Variants in PHACTR1 observed in about 807,000 individuals in gnomAD.
PHACTR1 encodes phosphatase and actin regulator 1.
A neutral mutation model predicts 69.2 loss-of-function variants in PHACTR1; 16 were observed. That is an observed-to-expected ratio of 0.23 (90% CI 0.16 to 0.35). The LOEUF is 0.35. Ranked by LOEUF, PHACTR1 falls within the 10% of genes least tolerant of loss-of-function variation. PHACTR1 has a pLI of 1.00. For missense variants in PHACTR1, 510 were observed against 734.7 expected, an observed-to-expected ratio of 0.69 and a Z score of 3.54; for synonymous variants, 312 against 284.5, an observed-to-expected ratio of 1.10 and a Z score of -0.97.
chr6:12,720,904 T>C (rs1180876615), intron 3 of PHACTR1, among the ~76,000 whole-genome samples: 1 of 152,198 alleles, frequency 6.6e-6, no homozygotes, highest in Non-Finnish European at 1.5e-5. Context: ...AGAGGCAGGA[T>C]GACATAGTGG....
At chr6:12,788,374 G>C (rs1398245465) in intron 4 of PHACTR1, among the ~76,000 whole-genome samples, 1 of 152,084 alleles carries the variant, frequency 6.6e-6, no homozygotes, top group Non-Finnish European at 1.5e-5. Context: ...TATTTCTAAG[G>C]ATTTTGAATG....
rs1440313324 is a variant in PHACTR1, at chr6:12,857,073, A to G, written c.250+107283A>G. On this transcript the variant is annotated intron_variant, in intron 4 of 14. Coordinates refer to ENST00000332995, the MANE Select transcript of PHACTR1 (RefSeq NM_030948.6). ...TAAAAAAAGTATGACTCCTGAACAC[A>G]GAACCTGGAAAAAACAATTTCCTCT... Among the ~76,000 whole-genome samples, 10 of 152,344 alleles carry G rather than the reference A, an allele frequency of 6.6e-5. No individual in the cohort carries two copies. In the East Asian group the frequency reaches 1.9e-3, roughly 29 times the overall value.
At chr6:13,231,071 GGAAGGAAGGAAGGAA>G (rs139227059) in intron 10 of PHACTR1, among the ~76,000 whole-genome samples, 3,730 of 13,236 alleles carry the variant, frequency 0.28, 346 homozygotes, top group Middle Eastern at 0.4. Flanking sequence ...AAGGAAGGAA[GGAAGGAAGGAAGGAA>G]GAAGGAAGGA....
chr6:12,977,067 GC>G, intron 4 of PHACTR1, among the ~76,000 whole-genome samples: 1 of 152,262 alleles, frequency 6.6e-6, no homozygotes, highest in Middle Eastern at 3.4e-3. Flanking sequence ...CTGGGTTCAA[GC>G]TATTCTCCTG....
chr6:12,911,815 C>T (rs529963623), intron 4 of PHACTR1, among the ~76,000 whole-genome samples: 1 of 152,260 alleles, frequency 6.6e-6, no homozygotes, highest in East Asian at 1.9e-4. Context: ...ATCTCATTGT[C>T]ATTTAAAGTA....
At chr6:13,252,990 G>A (rs1774695664) in intron 10 of PHACTR1, 1 of 452,968 alleles carries the variant, frequency 2.2e-6, no homozygotes, top group Admixed American at 2.4e-5. Flanking sequence ...AACTTGAGTT[G>A]TTATTGTTTC....
intron 4 of PHACTR1, among the ~76,000 whole-genome samples, chr6:12,776,759 T>C (rs1770112436): frequency 6.6e-6 from 1 of 152,238 alleles, no homozygotes; most frequent in Non-Finnish European, 1.5e-5. Context: ...GTACTAGTTA[T>C]GTAACCAAAT....
At chr6:13,282,050 C>T (rs1449033883) in intron 12 of PHACTR1, among the ~76,000 whole-genome samples, 1 of 152,234 alleles carries the variant, frequency 6.6e-6, no homozygotes, top group Non-Finnish European at 1.5e-5. Flanking sequence ...TTGTGCTCTG[C>T]CAGCGTGGGA....
intron 4 of PHACTR1, among the ~76,000 whole-genome samples, chr6:12,806,516 T>C (rs1278926388): frequency 6.6e-6 from 1 of 152,058 alleles, no homozygotes; most frequent in Non-Finnish European, 1.5e-5. Context: ...GGGGGTCTTG[T>C]TATGTTGCCC....
At chr6:12,871,371 A>G (rs1782008478) in intron 4 of PHACTR1, among the ~76,000 whole-genome samples, 1 of 152,166 alleles carries the variant, frequency 6.6e-6, no homozygotes, top group African/African-American at 2.4e-5. Flanking sequence ...GCTTTTTACA[A>G]TTGGTTTCTC....
At chr6:12,984,171 A>T (rs1329870863) in intron 4 of PHACTR1, among the ~76,000 whole-genome samples, 4 of 152,226 alleles carry the variant, frequency 2.6e-5, no homozygotes, top group Non-Finnish European at 5.9e-5. Context: ...CAACAGTGTA[A>T]AAGTGTTCCG....
At chr6:13,084,898 G>T (rs187886151) in intron 5 of PHACTR1, among the ~76,000 whole-genome samples, 79 of 152,108 alleles carry the variant, frequency 5.2e-4, no homozygotes, top group Non-Finnish European at 2.9e-5. Context: ...AGTGAAGAGG[G>T]AACAGGATAA....
chr6:13,053,289 G>A (rs1385161615), intron 4 of PHACTR1, 76 bp from the exon 5 acceptor site: 7 of 1,379,814 alleles, frequency 5.1e-6, no homozygotes, highest in African/African-American at 2.9e-5. Flanking sequence ...CATGGAAAAC[G>A]TTGGCCATCT....
intron 4 of PHACTR1, among the ~76,000 whole-genome samples, chr6:12,827,938 C>CT (rs1561921205): frequency 2.0e-5 from 3 of 151,704 alleles, no homozygotes; most frequent in African/African-American, 7.3e-5. Context: ...GCTTGTTGGG[C>CT]TTTTTTGATA....
intron 4 of PHACTR1, among the ~76,000 whole-genome samples, chr6:12,789,648 C>G (rs924202145): frequency 2.0e-5 from 3 of 152,106 alleles, no homozygotes; most frequent in African/African-American, 7.2e-5. Flanking sequence ...ATAATTTGCC[C>G]CACCCTCAGG....
chr6:12,801,762 G>T lies in PHACTR1; in HGVS notation c.250+51972G>T, dbSNP rs555435665. Among the ~76,000 whole-genome samples the T allele has an allele frequency of 4.7e-4, 71 of 152,254 alleles. 1 individual carries two copies. Among genetic ancestry groups the T allele is most frequent in the Non-Finnish European group, 9.7e-4 (66 of 68,018 alleles). ...AGCAAGAAAAACTGTCTGCAAATGAGAATTATTTAATATAGCTTTATTGAG... is the reference window on the plus strand; with the variant it reads ...AGCAAGAAAAACTGTCTGCAAATGATAATTATTTAATATAGCTTTATTGAG... On this transcript the variant is annotated intron_variant, in intron 4 of 14. Coordinates refer to ENST00000332995, the MANE Select transcript of PHACTR1 (RefSeq NM_030948.6).
intron 4 of PHACTR1, among the ~76,000 whole-genome samples, chr6:12,843,728 A>G (rs796272840): frequency 2.2e-4 from 33 of 152,340 alleles, no homozygotes; most frequent in African/African-American, 6.7e-4. Context: ...AAGATGGTAA[A>G]CTGACATTAA....
intron 4 of PHACTR1, among the ~76,000 whole-genome samples, chr6:12,913,552 C>T (rs79125480): frequency 5.3e-5 from 8 of 152,340 alleles, no homozygotes; most frequent in East Asian, 3.9e-4. Flanking sequence ...CTCTCTAGTA[C>T]GAGAGAACTC....
chr6:12,749,491 T>C (rs1340631308), intron 3 of PHACTR1, 153 bp from the exon 4 acceptor site: 2 of 670,688 alleles, frequency 3.0e-6, no homozygotes, highest in African/African-American at 1.8e-5. Context: ...CCCTTTTTTT[T>C]CCTTTTTCCC....
Sources: allele counts gnomAD v4.1 joint callset (sites outside exome capture counted in the v4.1 genomes callset), GRCh38; gene constraint gnomAD v4.1.1; transcripts MANE v1.5; gene names NCBI Gene and HGNC (gene_info 2026-07-23, HGNC 2026-07-21).